GRIK2: variants seen among roughly 807,000 people sequenced by gnomAD.
GRIK2 encodes glutamate ionotropic receptor kainate type subunit 2.
GRIK2 carries 32 observed loss-of-function variants against 100.3 expected under a neutral mutation model. The observed-to-expected ratio is 0.32, with a 90% CI of 0.24 to 0.43. The LOEUF is 0.43. Ranked by LOEUF, GRIK2 falls within the 20% of genes least tolerant of loss-of-function variation. GRIK2 has a pLI of 1.00. For missense variants in GRIK2, 843 were observed against 1,114.9 expected (o/e 0.76, Z 3.47); for synonymous variants, 417 against 389.4 (o/e 1.07, Z -0.83).
At chr6:101,960,807 A>T (rs1255773073) in intron 14 of GRIK2, among the ~76,000 whole-genome samples, 2 of 152,168 alleles carry the variant, frequency 1.3e-5, no homozygotes, top group Non-Finnish European at 2.9e-5. Flanking sequence ...TGTGCAGTCC[A>T]ATCTCCAGTT....
intron 2 of GRIK2, among the ~76,000 whole-genome samples, chr6:101,451,573 G>C (rs1410803486): frequency 6.6e-6 from 1 of 151,352 alleles, no homozygotes; most frequent in Non-Finnish European, 1.5e-5. Context: ...CATGAAGACA[G>C]CATGGAATGG....
intron 14 of GRIK2, among the ~76,000 whole-genome samples, chr6:101,933,367 T>A (rs1238531341): frequency 1.3e-5 from 2 of 151,882 alleles, no homozygotes; most frequent in Non-Finnish European, 2.9e-5. Context: ...TTGTACTGAT[T>A]ACTCGTCTAT....
intron 10 of GRIK2, among the ~76,000 whole-genome samples, chr6:101,844,477 T>G (rs1783692818): frequency 6.6e-6 from 1 of 152,172 alleles, no homozygotes; most frequent in African/African-American, 2.4e-5. Context: ...GTACTAGAAC[T>G]GGAAAATAAT....
chr6:101,447,634 T>C (rs1375050788), intron 2 of GRIK2, among the ~76,000 whole-genome samples: 1 of 151,720 alleles, frequency 6.6e-6, no homozygotes, highest in Non-Finnish European at 1.5e-5. Flanking sequence ...GTAGCTCCCA[T>C]GTAGTTCAGT....
chr6:101,424,728 C>A (rs948908453), intron 2 of GRIK2, among the ~76,000 whole-genome samples: 1 of 151,730 alleles, frequency 6.6e-6, no homozygotes, highest in African/African-American at 2.4e-5. Context: ...TCCCCCCACC[C>A]ACAACAGTCC....
In GRIK2 at chr6:101,664,638, G is replaced by A. The variant is rs570072210; in HGVS notation, c.542-11985G>A. The stretch of plus-strand genomic sequence containing the variant: ...ATTGCTTTTTTTCATATCAGTGAAA[G>A]CAGAAACAGAAACAGCATATTGACT... On this transcript the variant is annotated intron_variant, in intron 4 of 16. Coordinates refer to ENST00000369134, the MANE Select transcript of GRIK2 (RefSeq NM_021956.5). Among the ~76,000 whole-genome samples, 83 of 152,294 alleles carry A rather than the reference G, an allele frequency of 5.4e-4. 1 individual carries two copies. The highest frequency in any genetic ancestry group is 6.8e-3 in the Middle Eastern group (2 of 294).
chr6:101,764,129 A>G (rs1372645418), intron 7 of GRIK2, among the ~76,000 whole-genome samples: 1 of 151,994 alleles, frequency 6.6e-6, no homozygotes. Flanking sequence ...CATCACTTAT[A>G]TGTCAGAGAA....
Position 101,467,932 on chromosome 6 carries a change from T to TA in GRIK2, c.115+68540_115+68541insA, listed in dbSNP as rs1202349251. ...TCATTTTTTGCATGCCCACGATATA[T>TA]TTTTTTTTTTAATCTGGCAAGGATG... On this transcript the variant is annotated intron_variant, in intron 2 of 16. Transcript: ENST00000369134. Among the ~76,000 whole-genome samples the TA allele has an allele frequency of 5.4e-5, 8 of 147,300 alleles. No homozygotes were observed. The South Asian group carries it at 1.3e-3, about 24-fold the overall frequency.
chr6:101,962,488 A>C (rs1448985314), intron 14 of GRIK2, among the ~76,000 whole-genome samples: 1 of 152,150 alleles, frequency 6.6e-6, no homozygotes, highest in Non-Finnish European at 1.5e-5. Context: ...GTACTTGAGA[A>C]GGGTGTATAT....
Position 101,665,912 on chromosome 6 carries a change from T to TGGA in GRIK2, c.542-10708_542-10706dup, listed in dbSNP as rs541376821. Among the ~76,000 whole-genome samples, 358 of 152,276 alleles carry TGGA rather than the reference T, an allele frequency of 2.4e-3. 4 individuals carry two copies. Among genetic ancestry groups the TGGA allele is most frequent in the African/African-American group, 8.3e-3 (347 of 41,570 alleles). On this transcript the variant is annotated intron_variant, in intron 4 of 16. Transcript: ENST00000369134. ...GAGATGATTGAGGGAGGAGCAGCTT[T>TGGA]GGAGGGTACAGAGATGGAGAACTAG...
chr6:101,396,758 T>A (rs1239357908), intron 1 of GRIK2, among the ~76,000 whole-genome samples: 1 of 152,196 alleles, frequency 6.6e-6, no homozygotes, highest in Non-Finnish European at 1.5e-5. Context: ...TCCGTGGTCC[T>A]GAAGAAAGGT....
At position 101,725,601 on chromosome 6, in the gene GRIK2, A is replaced by G. The variant is rs569509980; in HGVS notation, c.951+39248A>G. ...TCTTGAGTAAATCATCTCAGAAAAGATGTAATATTTTTATGTTACAGGTAG... is the reference window on the plus strand; with the variant it reads ...TCTTGAGTAAATCATCTCAGAAAAGGTGTAATATTTTTATGTTACAGGTAG... On this transcript the variant is annotated intron_variant, in intron 7 of 16. Transcript: ENST00000369134. 1.7e-3 allele frequency among the ~76,000 whole-genome samples: 257 copies of G among 152,004 alleles called. 1 individual carries two copies. Among genetic ancestry groups the G allele is most frequent in the African/African-American group, 6.0e-3 (249 of 41,544 alleles).
chr6:102,002,499 AT>A (rs967135602), intron 14 of GRIK2, among the ~76,000 whole-genome samples: 2 of 140,578 alleles, frequency 1.4e-5, no homozygotes, highest in South Asian at 2.1e-4. Context: ...GTTTTTAGCT[AT>A]TTTTATTGCA....
At chr6:101,578,774 G>A (rs549445592) in intron 2 of GRIK2, among the ~76,000 whole-genome samples, 1 of 152,168 alleles carries the variant, frequency 6.6e-6, no homozygotes, top group African/African-American at 2.4e-5. Context: ...CTAGATTCAG[G>A]AATAAAATTG....
intron 2 of GRIK2, among the ~76,000 whole-genome samples, chr6:101,565,867 A>G (rs1349468582): frequency 1.4e-5 from 2 of 147,394 alleles, no homozygotes; most frequent in Middle Eastern, 3.6e-3. Flanking sequence ...TTTGTGTATT[A>G]TATGTTACCA....
intron 7 of GRIK2, among the ~76,000 whole-genome samples, chr6:101,788,494 G>A (rs1358647973): frequency 3.3e-5 from 5 of 151,958 alleles, no homozygotes; most frequent in Non-Finnish European, 7.4e-5. Flanking sequence ...TTTACTGAGA[G>A]TGATGATTTC....
At chr6:101,821,676 A>C (rs1459695408) in intron 10 of GRIK2, among the ~76,000 whole-genome samples, 1 of 152,128 alleles carries the variant, frequency 6.6e-6, no homozygotes, top group Non-Finnish European at 1.5e-5. Flanking sequence ...CCTTTTTCTG[A>C]ATACTCTGAC....
At chr6:101,674,964 C>T (rs942151143) in intron 4 of GRIK2, among the ~76,000 whole-genome samples, 1 of 152,016 alleles carries the variant, frequency 6.6e-6, no homozygotes, top group African/African-American at 2.4e-5. Flanking sequence ...TATATATGTA[C>T]TGATGACATT....
chr6:101,647,623 T>C (rs1452236663), intron 4 of GRIK2, among the ~76,000 whole-genome samples: 1 of 152,088 alleles, frequency 6.6e-6, no homozygotes, highest in African/African-American at 2.4e-5. Flanking sequence ...CAGCATAATG[T>C]CACTACAAGA....
Sources: gnomAD v4.1 joint callset for allele counts (sites outside exome capture counted in the v4.1 genomes callset) on GRCh38, gnomAD v4.1.1 for gene constraint, MANE v1.5 for transcripts, NCBI Gene and HGNC (gene_info 2026-07-23, HGNC 2026-07-21) for gene names.